The following ACTN2 variants were observed in gnomAD, a reference collection of about 807,000 sequenced individuals.
The protein encoded by ACTN2 is actinin alpha 2, also known as alpha-actinin-2.
In ACTN2, 39 loss-of-function variants were observed where a neutral mutation model predicts 113.8. The observed-to-expected ratio is 0.34, with a 90% CI of 0.27 to 0.45. The LOEUF (loss-of-function observed/expected upper bound fraction) is 0.45. Among genes scored for constraint, ACTN2 ranks in the 20% least tolerant of loss-of-function variants. The probability of loss-of-function intolerance (pLI) is 1.00; values close to 1 mark genes in which losing one functional copy is unlikely to be tolerated. For synonymous variants in ACTN2, 429 were observed against 444.1 expected, an observed-to-expected ratio of 0.97 and a Z score of 0.43; for missense variants, 992 against 1,177.9, an observed-to-expected ratio of 0.84 and a Z score of 2.31.
At chr1:236,742,851 G>A (rs745848883) in intron 10 of ACTN2, 45 bp from the exon 11 acceptor site, 2 of 1,612,668 alleles carry the variant, frequency 1.2e-6, no homozygotes, top group Admixed American at 3.3e-5. Context: ...ATGTAACGAA[G>A]GTGCTTGTTA....
At position 236,742,905 on chromosome 1, in the gene ACTN2, G is replaced by A. The variant is rs769980647; in HGVS notation, c.1117G>A (p.Gly373Ser). 3.1e-6 allele frequency: 5 copies of A among 1,614,222 alleles called. No individual in the cohort carries two copies. In the Admixed American group the frequency reaches 8.3e-5, roughly 27 times the overall value. ...CTTCCAACCATCCCAGGATATTGCT[G>A]GTGCCTGGCAGAGGCTGGAGCAGGC... ...SEGKMVSDIA[G>S]AWQRLEQAEK... Residue 373 changes from glycine to serine, a missense_variant, in exon 11 of 21, where the codon GGT (glycine) becomes AGT (serine). By Grantham distance (56) the Gly-to-Ser change is moderately conservative (BLOSUM62 0). Coordinates refer to ENST00000366578, the MANE Select transcript of ACTN2 (RefSeq NM_001103.4).
At chr1:236,691,332 G>A (rs115432678) in intron 1 of ACTN2, among the ~76,000 whole-genome samples, 5,787 of 150,558 alleles carry the variant, frequency 0.038, 360 homozygotes, top group African/African-American at 0.13. Context: ...ACAAGAAATT[G>A]TTTAATAATA....
At chr1:236,736,692 A>G (rs1006360172) in intron 8 of ACTN2, 6 of 1,444,658 alleles carry the variant, frequency 4.2e-6, no homozygotes, top group Non-Finnish European at 4.7e-6. Context: ...TTCCTGCCCC[A>G]GTTATTTTTG....
In ACTN2 at chr1:236,747,586, G is replaced by A. The variant is rs187735751; in HGVS notation, c.1407-81G>A. On this transcript the variant is annotated intron_variant, in intron 12 of 20. Transcript: ENST00000366578. ...GATGTTTTTGTTTTTAAACTTCCCT[G>A]TTATTTTTCTTTTTTAGCCCATGTT... 5.6e-6 allele frequency: 7 copies of A among 1,259,002 alleles called. No individual in the cohort carries two copies. In the South Asian group the frequency reaches 7.7e-5, roughly 14 times the overall value. The allele number at this position is 1,259,002 out of a possible 1,614,324, so 78.0% of individuals were successfully genotyped here.
rs767041933 is a variant in ACTN2 at position 236,744,707 on chromosome 1, C to T, written c.1337C>T (p.Ala446Val). ...CGGGCTCTGCTGCGGAAGCACGAGG[C>T]GTTCGAGAGCGACCTGGCAGCGCAC... is the stretch of plus-strand genomic sequence containing the variant. ...EVRALLRKHEAFESDLAAHQD... is the reference protein window; with the variant it reads ...EVRALLRKHEVFESDLAAHQD... The change falls in exon 12 of 21, where the codon GCG becomes GTG. Residue 446 changes from alanine to valine, a missense_variant. Physicochemically the swap from Ala to Val is moderately conservative, Grantham distance 64. Coordinates refer to ENST00000366578, the MANE Select transcript of ACTN2 (RefSeq NM_001103.4). 5.6e-6 allele frequency: 9 copies of T among 1,614,196 alleles called. No individual in the cohort carries two copies. The highest frequency in any genetic ancestry group is 1.1e-5 in the South Asian group (1 of 91,084).
chr1:236,744,517 C>A, intron 11 of ACTN2, 109 bp from the exon 12 acceptor site: 1 of 1,337,306 alleles, frequency 7.5e-7, no homozygotes, highest in Non-Finnish European at 1.1e-6. Context: ...CCCTCTCTGT[C>A]CCCTTCTCTT....
At position 236,686,702 on chromosome 1, in the gene ACTN2, A is replaced by G. The variant is rs1464103836; in HGVS notation, c.29A>G (p.Tyr10Cys). The change falls in exon 1 of 21, where the codon TAC (tyrosine) becomes TGC (cysteine). Residue 10 changes from tyrosine to cysteine, a missense_variant. By Grantham distance (194) the Tyr-to-Cys change is radical. This residue lies in a region of ACTN2 where 36 missense variants were observed against 25.0 expected (regional missense o/e 1.44). Coordinates refer to ENST00000366578, the MANE Select transcript of ACTN2 (RefSeq NM_001103.4). ...AACCAGATAGAGCCCGGCGTGCAGTACAACTACGTGTACGACGAGGATGAG... is the reference window on the plus strand; with the variant it reads ...AACCAGATAGAGCCCGGCGTGCAGTGCAACTACGTGTACGACGAGGATGAG... MNQIEPGVQ[Y>C]NYVYDEDEYM... The G allele has an allele frequency of 1.3e-6, 2 of 1,566,688 alleles. No individual in the cohort carries two copies. Among genetic ancestry groups the G allele is most frequent in the Non-Finnish European group, 1.7e-6 (2 of 1,156,294 alleles).
intron 13 of ACTN2, among the ~76,000 whole-genome samples, chr1:236,748,525 T>C (rs1365981246): frequency 1.3e-5 from 2 of 152,200 alleles, no homozygotes; most frequent in African/African-American, 4.8e-5. Context: ...GCCTTCCCCT[T>C]CTGCCCCCAC....
chr1:236,747,879 G>A, intron 13 of ACTN2, 104 bp downstream of exon 13: 1 of 953,550 alleles, frequency 1.0e-6, no homozygotes, highest in Admixed American at 2.1e-5. Flanking sequence ...GAAACAGGTT[G>A]CCTAGTGAAA....
Position 236,686,816 on chromosome 1 carries a change from G to C in ACTN2, c.126+17G>C. 6.8e-7 allele frequency: 1 copy of C among 1,471,244 alleles called. No homozygotes were observed. Among genetic ancestry groups the C allele is most frequent in the Non-Finnish European group, 9.0e-7 (1 of 1,105,998 alleles). The allele number at this position is 1,471,244 out of a possible 1,614,324, so 91.1% of individuals were successfully genotyped here. On this transcript the variant is annotated intron_variant, in intron 1 of 20. Coordinates refer to ENST00000366578, the MANE Select transcript of ACTN2 (RefSeq NM_001103.4). ...CAGAGGAAGGTCAGCAGGGGCCCGCGGGCCGCCCGCGCGTGGTGGGGCCGG... is the reference window on the plus strand; with the variant it reads ...CAGAGGAAGGTCAGCAGGGGCCCGCCGGCCGCCCGCGCGTGGTGGGGCCGG...
chr1:236,695,564 C>CCCA (rs1657468831), intron 1 of ACTN2, among the ~76,000 whole-genome samples: 1 of 8,322 alleles, frequency 1.2e-4, no homozygotes, highest in African/African-American at 4.4e-4. Context: ...GAAATGAGTT[C>CCCA]CCCCCCCCTG....
intron 1 of ACTN2, 150 bp downstream of exon 1, chr1:236,686,949 C>T: frequency 1.1e-6 from 1 of 897,000 alleles, no homozygotes; most frequent in Non-Finnish European, 1.5e-6. Flanking sequence ...CCGGGGGCCC[C>T]TTAGGAAAGA....
chr1:236,717,680 A>G (rs1558231816), intron 1 of ACTN2, among the ~76,000 whole-genome samples, 178 bp from the exon 2 acceptor site: 1 of 152,192 alleles, frequency 6.6e-6, no homozygotes, highest in African/African-American at 2.4e-5. Flanking sequence ...AAAATTTACT[A>G]AAATCGTTCT....
At chr1:236,744,549 T>C in intron 11 of ACTN2, 77 bp from the exon 12 acceptor site, 1 of 1,548,132 alleles carries the variant, frequency 6.5e-7, no homozygotes, top group South Asian at 1.1e-5. Context: ...ATCTCACCGC[T>C]CCCTGAGAAT....
chr1:236,708,763 A>T (rs1372476426), intron 1 of ACTN2, among the ~76,000 whole-genome samples: 1 of 152,198 alleles, frequency 6.6e-6, no homozygotes, highest in Non-Finnish European at 1.5e-5. Context: ...CTCCACGCAG[A>T]TTGCAGGACT....
chr1:236,713,201 T>C (rs563906719), intron 1 of ACTN2, among the ~76,000 whole-genome samples: 17 of 151,710 alleles, frequency 1.1e-4, no homozygotes, highest in Admixed American at 1.1e-3. Flanking sequence ...GAATGATCTC[T>C]AGGTTATATA....
rs747910896 is a variant in ACTN2, at chr1:236,735,647, C to T, written c.710C>T (p.Thr237Ile). 6.2e-7 allele frequency: 1 copy of T among 1,614,144 alleles called. No homozygotes were observed. Residue 237 changes from threonine to isoleucine, a missense_variant, in exon 8 of 21, where the codon ACC becomes ATC. Thr to Ile is a moderately conservative substitution (Grantham distance 89). Around this residue, in one of 3 missense-constraint regions of ACTN2, gnomAD observed 220 missense variants for 337.5 expected, o/e 0.65. Coordinates refer to ENST00000366578, the MANE Select transcript of ACTN2 (RefSeq NM_001103.4). ...KMLDAEDIVN[T>I]PKPDERAIMT... is the part of the protein sequence containing the mutation. ...TCTCCCCCTTCAGACATCGTGAACA[C>T]CCCTAAACCCGATGAAAGAGCCATC...
At chr1:236,732,173 AT>A (rs1415809952) in intron 7 of ACTN2, among the ~76,000 whole-genome samples, 1 of 152,144 alleles carries the variant, frequency 6.6e-6, no homozygotes, top group Non-Finnish European at 1.5e-5. Context: ...GCTTTTGGTA[AT>A]TGTATTATGG....
At chr1:236,734,430 C>G in intron 7 of ACTN2, 1 of 1,531,572 alleles carries the variant, frequency 6.5e-7, no homozygotes, top group Non-Finnish European at 8.7e-7. Context: ...TTTCTCCACA[C>G]AGATTTAGTA....
Sources: gnomAD v4.1 joint callset for allele counts (sites outside exome capture counted in the v4.1 genomes callset) on GRCh38, gnomAD v4.1.1 for gene constraint, gnomAD v4.1.1 regional missense constraint, MANE v1.5 for transcripts, NCBI Gene and HGNC (gene_info 2026-07-23, HGNC 2026-07-21) for gene names.